Variants in WWOX observed in about 807,000 individuals in gnomAD.
WWOX encodes WW domain containing oxidoreductase.
WWOX carries 69 observed loss-of-function variants against 46.2 expected under a neutral mutation model. The ratio of observed to expected loss-of-function variants is 1.49; its 90% CI spans 1.23 to 1.82. The LOEUF is 1.82. Ranked by LOEUF, WWOX falls within the 40% of genes most tolerant of loss-of-function variation. The pLI is 0.00. For missense variants in WWOX, 919 were observed against 542.6 expected (o/e 1.69, Z -6.89); for synonymous variants, 359 against 202.6 (o/e 1.77, Z -6.56).
chr16:78,142,405 C>T (rs2151708657), intron 4 of WWOX, among the ~76,000 whole-genome samples: 1 of 152,274 alleles, frequency 6.6e-6, no homozygotes, highest in South Asian at 2.1e-4. Flanking sequence ...GCAATGAAAA[C>T]ATTTGTAAAA....
At chr16:78,162,573 T>A (rs1393986750) in intron 4 of WWOX, among the ~76,000 whole-genome samples, 1 of 152,072 alleles carries the variant, frequency 6.6e-6, no homozygotes, top group African/African-American at 2.4e-5. Flanking sequence ...TACATATACA[T>A]GTCAACACAT....
At chr16:79,165,183 G>A (rs939941575) in intron 8 of WWOX, among the ~76,000 whole-genome samples, 12 of 151,630 alleles carry the variant, frequency 7.9e-5, no homozygotes, top group African/African-American at 2.9e-4. Flanking sequence ...AAATCTCCCT[G>A]GACATGAACT....
At position 78,680,708 on chromosome 16, in the gene WWOX, A is replaced by C. The variant is rs536006814; in HGVS notation, c.1056+247956A>C. 5.9e-5 allele frequency among the ~76,000 whole-genome samples: 9 copies of C among 152,338 alleles called. No individual in the cohort carries two copies. In the South Asian group the frequency reaches 1.9e-3, roughly 32 times the overall value. On this transcript the variant is annotated intron_variant, in intron 8 of 8. Coordinates refer to ENST00000566780, the MANE Select transcript of WWOX (RefSeq NM_016373.4). The stretch of plus-strand genomic sequence containing the variant: ...ACATCTAGTGGCTCCCACTGTGGGT[A>C]GCACATACAGAAAGAACGTTTCCGT...
intron 8 of WWOX, among the ~76,000 whole-genome samples, chr16:79,023,780 C>G (rs1239557349): frequency 9.5e-6 from 1 of 105,562 alleles, no homozygotes; most frequent in Non-Finnish European, 1.9e-5. Context: ...TACCCCATCT[C>G]TACTAAAAAT....
intron 8 of WWOX, among the ~76,000 whole-genome samples, chr16:78,832,678 G>C (rs528174652): frequency 2.0e-5 from 3 of 152,092 alleles, no homozygotes; most frequent in African/African-American, 7.2e-5. Context: ...ATGTCCTGTG[G>C]TGGCCCTCTC....
chr16:78,752,368 A>T (rs1262014090), intron 8 of WWOX, among the ~76,000 whole-genome samples: 1 of 152,102 alleles, frequency 6.6e-6, no homozygotes, highest in East Asian at 1.9e-4. Flanking sequence ...GCTTACTGCA[A>T]CCTCTGCCTC....
intron 5 of WWOX, among the ~76,000 whole-genome samples, chr16:78,210,795 T>A (rs2036536128): frequency 6.6e-6 from 1 of 152,216 alleles, no homozygotes; most frequent in African/African-American, 2.4e-5. Context: ...GTCTACCCAG[T>A]TATAATTCTC....
intron 8 of WWOX, among the ~76,000 whole-genome samples, chr16:78,811,134 G>A (rs2051177610): frequency 6.6e-6 from 1 of 152,188 alleles, no homozygotes; most frequent in Admixed American, 6.5e-5. Flanking sequence ...TGATGAAAAA[G>A]TCTGAAGGGA....
chr16:78,938,910 C>G (rs1159369654), intron 8 of WWOX, among the ~76,000 whole-genome samples: 1 of 152,068 alleles, frequency 6.6e-6, no homozygotes, highest in African/African-American at 2.4e-5. Flanking sequence ...GAGTGGGAGG[C>G]CCAGTCAGGG....
intron 8 of WWOX, among the ~76,000 whole-genome samples, chr16:78,521,331 A>C (rs2043344121): frequency 6.6e-6 from 1 of 152,262 alleles, no homozygotes; most frequent in South Asian, 2.1e-4. Context: ...TGCTGGAAAT[A>C]AGGTATGAGC....
chr16:78,363,735 A>T (rs4076620), intron 5 of WWOX, among the ~76,000 whole-genome samples: 77,841 of 152,052 alleles, frequency 0.51, 21,686 homozygotes, highest in Non-Finnish European at 0.63. Flanking sequence ...GAAACAAGAA[A>T]TGGGACTCTG....
At chr16:79,058,118 AAACAAACAAAC>A (rs1174727010) in intron 8 of WWOX, among the ~76,000 whole-genome samples, 5,934 of 43,646 alleles carry the variant, frequency 0.14, 179 homozygotes, top group African/African-American at 0.22. Context: ...AAAAAAAAAA[AAACAAACAAAC>A]AAAAAAAAAA....
chr16:78,723,137 A>C (rs915845042), intron 8 of WWOX, among the ~76,000 whole-genome samples: 1 of 152,204 alleles, frequency 6.6e-6, no homozygotes, highest in Non-Finnish European at 1.5e-5. Context: ...CATCCCGTCA[A>C]CTGCTGGCCT....
chr16:78,570,046 A>C (rs901913838), intron 8 of WWOX, among the ~76,000 whole-genome samples: 2 of 152,224 alleles, frequency 1.3e-5, no homozygotes, highest in Admixed American at 6.5e-5. Flanking sequence ...GTGGATATAA[A>C]TATAAAGAAA....
chr16:78,756,497 G>A (rs764372611), intron 8 of WWOX, among the ~76,000 whole-genome samples: 4 of 152,116 alleles, frequency 2.6e-5, no homozygotes, highest in Non-Finnish European at 5.9e-5. Flanking sequence ...ATGAGGAGAT[G>A]GACTTTAGCC....
At chr16:78,509,961 A>G (rs180817236) in intron 8 of WWOX, among the ~76,000 whole-genome samples, 1 of 150,618 alleles carries the variant, frequency 6.6e-6, no homozygotes, top group Non-Finnish European at 1.5e-5. Flanking sequence ...ATTAGCTGGC[A>G]TGGTGGCACA....
At chr16:79,085,581 C>T (rs1372505855) in intron 8 of WWOX, among the ~76,000 whole-genome samples, 1 of 152,148 alleles carries the variant, frequency 6.6e-6, no homozygotes, top group East Asian at 1.9e-4. Flanking sequence ...TGAGTCTACT[C>T]AAAGACTGAC....
chr16:78,452,475 C>CTTTTTTT (rs397945707), intron 8 of WWOX, among the ~76,000 whole-genome samples: 5,716 of 125,708 alleles, frequency 0.045, 148 homozygotes, highest in African/African-American at 0.056. Flanking sequence ...CTCTCTCTCT[C>CTTTTTTT]TTTTTTTTTT....
intron 8 of WWOX, among the ~76,000 whole-genome samples, chr16:78,824,965 T>C (rs1210537335): frequency 6.6e-6 from 1 of 152,168 alleles, no homozygotes; most frequent in South Asian, 2.1e-4. Flanking sequence ...CTGGTAGTAA[T>C]AGTAACAGTA....
Sources: gnomAD v4.1 joint callset for allele counts (sites outside exome capture counted in the v4.1 genomes callset) on GRCh38, gnomAD v4.1.1 for gene constraint, MANE v1.5 for transcripts, NCBI Gene and HGNC (gene_info 2026-07-23, HGNC 2026-07-21) for gene names.